The following HS2ST1 variants were observed in gnomAD, a reference collection of about 807,000 sequenced individuals.
HS2ST1 encodes the protein heparan sulfate 2-O-sulfotransferase 1, also known as 2-O-sulfotransferase.
A neutral mutation model predicts 42.9 loss-of-function variants in HS2ST1; 18 were observed. That is an observed-to-expected ratio of 0.42 (90% CI 0.29 to 0.62). HS2ST1 has a LOEUF of 0.62. Among genes scored for constraint, HS2ST1 ranks in the 20% least tolerant of loss-of-function variants. HS2ST1 has a pLI of 0.21. For missense variants in HS2ST1, 334 were observed against 433.8 expected, an observed-to-expected ratio of 0.77 and a Z score of 2.04; for synonymous variants, 146 against 152.9, an observed-to-expected ratio of 0.95 and a Z score of 0.33.
intron 1 of HS2ST1, chr1:87,045,361 C>G: frequency 7.4e-7 from 1 of 1,349,268 alleles, no homozygotes. Context: ...TAGCTTCTGT[C>G]TCTCCCTTTT....
intron 1 of HS2ST1, among the ~76,000 whole-genome samples, chr1:86,938,422 G>T (rs1025473100): frequency 6.6e-6 from 1 of 151,964 alleles, no homozygotes; most frequent in African/African-American, 2.4e-5. Flanking sequence ...CAATTAAGTT[G>T]CTGTGAATAA....
rs181647657 is a variant in HS2ST1, at chr1:86,922,347, A to T, written c.124+7187A>T. Among the ~76,000 whole-genome samples the T allele has an allele frequency of 3.1e-3, 477 of 151,858 alleles. 1 individual carries two copies. Among genetic ancestry groups the T allele is most frequent in the African/African-American group, 0.011 (450 of 41,472 alleles). Reference sequence around the variant, plus strand: ...TTATTTTTGCTTTAACTTATATTTTAAAAATATATAAAATGTTTAAAAATT... The same window carrying T: ...TTATTTTTGCTTTAACTTATATTTTTAAAATATATAAAATGTTTAAAAATT... On this transcript the variant is annotated intron_variant, in intron 1 of 6. Transcript: ENST00000370550.
chr1:86,918,888 G>T, intron 1 of HS2ST1, among the ~76,000 whole-genome samples: 1 of 147,988 alleles, frequency 6.8e-6, no homozygotes, highest in African/African-American at 2.5e-5. Flanking sequence ...TTTTTCTATT[G>T]GGTGGTTTAC....
chr1:86,987,393 C>G (rs1239017068), intron 1 of HS2ST1, among the ~76,000 whole-genome samples: 1 of 151,932 alleles, frequency 6.6e-6, no homozygotes, highest in African/African-American at 2.4e-5. Flanking sequence ...TTCTTATTTG[C>G]AGGCAAAAGA....
intron 2 of HS2ST1, among the ~76,000 whole-genome samples, chr1:87,082,471 A>T (rs1020823215): frequency 3.9e-5 from 6 of 152,288 alleles, no homozygotes; most frequent in African/African-American, 1.4e-4. Flanking sequence ...CACCATGTCC[A>T]CATTAAATCT....
chr1:86,985,874 CA>C (rs1233904736), intron 1 of HS2ST1, among the ~76,000 whole-genome samples: 1 of 152,004 alleles, frequency 6.6e-6, no homozygotes. Flanking sequence ...CCAAAGAAAC[CA>C]ACAATTTCTG....
At chr1:86,986,988 C>T (rs1237570775) in intron 1 of HS2ST1, among the ~76,000 whole-genome samples, 5 of 151,968 alleles carry the variant, frequency 3.3e-5, no homozygotes, top group African/African-American at 1.2e-4. Flanking sequence ...CCCTGTTCTG[C>T]CTGGGACTGC....
chr1:86,990,032 G>A (rs1315910509), intron 1 of HS2ST1, among the ~76,000 whole-genome samples: 2 of 151,930 alleles, frequency 1.3e-5, no homozygotes, highest in South Asian at 2.1e-4. Flanking sequence ...AAACATGTGT[G>A]TGCATGTGTC....
At chr1:87,075,997 T>C (rs1437425038) in intron 2 of HS2ST1, among the ~76,000 whole-genome samples, 1 of 152,098 alleles carries the variant, frequency 6.6e-6, no homozygotes, top group Admixed American at 6.5e-5. Flanking sequence ...TATTTAAAAT[T>C]TACTTGGGAA....
At chr1:87,008,909 T>A (rs1042572398) in intron 1 of HS2ST1, among the ~76,000 whole-genome samples, 4 of 152,142 alleles carry the variant, frequency 2.6e-5, no homozygotes, top group African/African-American at 9.7e-5. Context: ...AGTGGTGCAA[T>A]CATGGCTCAC....
In HS2ST1 at chr1:86,914,810, C is replaced by A. The variant is rs1026526495; in HGVS notation, c.-227C>A. ...TTGCTGCGCGGGCTTTTGGAGGGGGCGGCCGTTTAGTCGGCTGAGGAGAAG... is the reference window on the plus strand; with the variant it reads ...TTGCTGCGCGGGCTTTTGGAGGGGGAGGCCGTTTAGTCGGCTGAGGAGAAG... On this transcript the variant is annotated 5_prime_UTR_variant, in exon 1 of 7. Transcript: ENST00000370550. 17 of 563,294 alleles carry A rather than the reference C, an allele frequency of 3.0e-5. No individual in the cohort carries two copies. The highest frequency in any genetic ancestry group is 4.7e-5 in the Non-Finnish European group (15 of 321,840). The allele number at this position is 563,294 out of a possible 1,614,324, so 34.9% of individuals were successfully genotyped here.
rs184305774 is a variant in HS2ST1, at chr1:87,109,656, C to T, written c.*4960C>T. The T allele has an allele frequency of 6.6e-6, 1 of 151,818 alleles. No homozygotes were observed. The highest frequency in any genetic ancestry group is 1.5e-5 in the Non-Finnish European group (1 of 67,906). 9.4% of individuals were successfully genotyped at this position (151,818 alleles called of 1,614,324 possible). A position where few individuals can be genotyped will look rare whatever the true frequency, so the allele number is the denominator to read the frequency against. ...TGCTTTGAGCAATGCTTGATTGATTCTATTTATATTATATGATATTGGGTT... is the reference window on the plus strand; with the variant it reads ...TGCTTTGAGCAATGCTTGATTGATTTTATTTATATTATATGATATTGGGTT... On this transcript the variant is annotated 3_prime_UTR_variant, in exon 7 of 7. Transcript: ENST00000370550.
At chr1:86,938,534 T>C (rs924110511) in intron 1 of HS2ST1, among the ~76,000 whole-genome samples, 1 of 152,164 alleles carries the variant, frequency 6.6e-6, no homozygotes, top group African/African-American at 2.4e-5. Context: ...GCTAGGACTC[T>C]CTACATAACT....
chr1:87,018,415 A>G (rs940890710), intron 1 of HS2ST1, among the ~76,000 whole-genome samples: 1 of 152,172 alleles, frequency 6.6e-6, no homozygotes, highest in African/African-American at 2.4e-5. Flanking sequence ...CTTCTTGCAG[A>G]ACCCTATACC....
intron 1 of HS2ST1, chr1:87,046,074 A>G: frequency 3.0e-6 from 2 of 665,154 alleles, no homozygotes; most frequent in Non-Finnish European, 5.8e-6. Flanking sequence ...TGACAGCATC[A>G]TGAACCCTGA....
chr1:87,066,249 A>G (rs1438653330), intron 1 of HS2ST1, among the ~76,000 whole-genome samples: 3 of 152,270 alleles, frequency 2.0e-5, no homozygotes, highest in Admixed American at 2.0e-4. Context: ...GTGGAAAAGC[A>G]TCAAGCTCAG....
At chr1:86,973,288 CT>C (rs1381669539) in intron 1 of HS2ST1, among the ~76,000 whole-genome samples, 5 of 148,218 alleles carry the variant, frequency 3.4e-5, no homozygotes, top group East Asian at 3.9e-4. Flanking sequence ...TCAATCTTTC[CT>C]TTTTTTTGGA....
At chr1:87,094,259 C>T (rs961122208) in intron 4 of HS2ST1, among the ~76,000 whole-genome samples, 5 of 152,118 alleles carry the variant, frequency 3.3e-5, no homozygotes, top group African/African-American at 1.2e-4. Context: ...CTATATCCAT[C>T]ATTTATCATT....
At chr1:87,061,408 C>G (rs1021755310) in intron 1 of HS2ST1, among the ~76,000 whole-genome samples, 1 of 151,982 alleles carries the variant, frequency 6.6e-6, no homozygotes, top group Non-Finnish European at 1.5e-5. Context: ...ATTTCTCCCT[C>G]CCCCCATTCC....
Sources: allele counts gnomAD v4.1 joint callset (sites outside exome capture counted in the v4.1 genomes callset), GRCh38; gene constraint gnomAD v4.1.1; transcripts MANE v1.5; gene names NCBI Gene and HGNC (gene_info 2026-07-23, HGNC 2026-07-21).